The following TMPRSS9 variants were observed in gnomAD, a reference collection of about 807,000 sequenced individuals.
TMPRSS9 encodes the protein transmembrane protease serine 9.
A neutral mutation model predicts 111.4 loss-of-function variants in TMPRSS9; 113 were observed. The ratio of observed to expected loss-of-function variants is 1.01; its 90% CI spans 0.87 to 1.19. The LOEUF (loss-of-function observed/expected upper bound fraction) is 1.19, where lower values mean the gene tolerates loss of function less well. TMPRSS9 is among the 50% of genes most tolerant of loss of function. TMPRSS9 has a pLI of 0.00. For synonymous variants in TMPRSS9, 805 were observed against 659.1 expected, an observed-to-expected ratio of 1.22 and a Z score of -3.39; for missense variants, 1,803 against 1,513.1, an observed-to-expected ratio of 1.19 and a Z score of -3.18.
At chr19:2,375,817 A>G (rs1970329137) in intron 1 of TMPRSS9, among the ~76,000 whole-genome samples, 1 of 152,142 alleles carries the variant, frequency 6.6e-6, no homozygotes. Flanking sequence ...GAAAATTACA[A>G]CTGAAGGGAC....
exon 14 of TMPRSS9, chr19:2,421,869 C>G (rs774055340): frequency 3.1e-6 from 5 of 1,606,708 alleles, no homozygotes; most frequent in Non-Finnish European, 4.3e-6. Flanking sequence ...CTCTGGGGGC[C>G]CCCTGGCCTG....
chr19:2,420,168 C>CAAA (rs74881786), intron 13 of TMPRSS9, among the ~76,000 whole-genome samples: 56,833 of 151,426 alleles, frequency 0.38, 11,666 homozygotes, highest in African/African-American at 0.56. Flanking sequence ...TCTCAAAAAA[C>CAAA]GAAGGGCGGG....
intron 13 of TMPRSS9, 148 bp downstream of exon 14, chr19:2,418,286 TCCTCCTTTCCTTCCCTCCCTTTCCCTC>T: frequency 2.2e-6 from 1 of 455,516 alleles, no homozygotes; most frequent in Non-Finnish European, 3.1e-6. Flanking sequence ...CCTTTTCCTT[TCCTCCTTTCCTTCCCTCCCTTTCCCTC>T]CCTCCCTCCC....
intron 1 of TMPRSS9, among the ~76,000 whole-genome samples, chr19:2,363,803 T>TGTGTGTGC (rs1432791076): frequency 3.2e-4 from 37 of 116,572 alleles, no homozygotes; most frequent in Admixed American, 3.0e-4. Context: ...TGTGTGTGTG[T>TGTGTGTGC]GCGTGCGCGC....
intron 2 of TMPRSS9, 65 bp downstream of exon 3, chr19:2,396,731 G>A: frequency 6.5e-7 from 1 of 1,537,322 alleles, no homozygotes; most frequent in East Asian, 2.3e-5. Flanking sequence ...TTGACCTGGA[G>A]GTGCTTTCCG....
chr19:2,363,884 T>C (rs1349961623), intron 1 of TMPRSS9, among the ~76,000 whole-genome samples: 2 of 150,394 alleles, frequency 1.3e-5, no homozygotes, highest in African/African-American at 2.5e-5. Context: ...GAGAGAGCCT[T>C]AATCTCCTCC....
chr19:2,371,302 T>A (rs1599275134), intron 1 of TMPRSS9, among the ~76,000 whole-genome samples: 1 of 152,242 alleles, frequency 6.6e-6, no homozygotes, highest in East Asian at 1.9e-4. Context: ...GCCTAGTCCC[T>A]CCTTGGGGGC....
chr19:2,391,307 A>C (rs4807252), intron 1 of TMPRSS9, among the ~76,000 whole-genome samples: 28,380 of 146,062 alleles, frequency 0.19, 3,549 homozygotes, highest in Admixed American at 0.32. Context: ...ATTTGGGGAG[A>C]AATGCTCTCG....
chr19:2,386,144 C>A (rs62120686), upstream of TMPRSS9, among the ~76,000 whole-genome samples: 32,525 of 151,924 alleles, frequency 0.21, 4,346 homozygotes, highest in Admixed American at 0.35. Flanking sequence ...GACATGGGGT[C>A]TTGCTATGTT....
intron 7 of TMPRSS9, 34 bp downstream of exon 8, chr19:2,405,579 C>G (rs956142011): frequency 1.4e-6 from 2 of 1,479,506 alleles, no homozygotes; most frequent in East Asian, 2.7e-5. Context: ...AAACCCGAAC[C>G]CTCTGTATTT....
rs545498860 is a variant in TMPRSS9 at position 2,421,744 on chromosome 19, C to T, written c.2155-110C>T. On this transcript the variant is annotated intron_variant, in intron 13 of 17. Transcript: ENST00000648592. The stretch of plus-strand genomic sequence containing the variant: ...CTCCAGACCCGCGCTGTGCCCTCTG[C>T]CCCCCGCCCTCGATGGCTCCCACCC... 23 of 1,263,662 alleles carry T rather than the reference C, an allele frequency of 1.8e-5. No homozygotes were observed. In the Admixed American group the frequency reaches 3.4e-4, roughly 18 times the overall value. 78.3% of individuals were successfully genotyped at this position (1,263,662 alleles called of 1,614,324 possible). A position where few individuals can be genotyped will look rare whatever the true frequency, so the allele number is the denominator to read the frequency against.
intron 4 of TMPRSS9, among the ~76,000 whole-genome samples, chr19:2,400,475 G>A (rs1359315615): frequency 6.6e-6 from 1 of 152,014 alleles, no homozygotes; most frequent in Non-Finnish European, 1.5e-5. Context: ...CCAGGAGGCG[G>A]AGGTTGCAGT....
At position 2,425,498 on chromosome 19, in the gene TMPRSS9, G is replaced by T; in HGVS notation, c.3120+5G>T. ...GGTGGCGTGGACAGCTGCTCGGTGA[G>T]CCCCGCCCCGGCCCAGGGGACCAGG... On this transcript the variant is annotated splice_donor_5th_base_variant and intron_variant, in intron 17 of 17. Transcript: ENST00000648592. 6.4e-7 allele frequency: 1 copy of T among 1,566,378 alleles called. No homozygotes were observed. The highest frequency in any genetic ancestry group is 8.6e-7 in the Non-Finnish European group (1 of 1,163,694).
At chr19:2,404,010 G>A (rs11666742) in intron 6 of TMPRSS9, among the ~76,000 whole-genome samples, 11,711 of 120,770 alleles carry the variant, frequency 0.097, 645 homozygotes, top group Middle Eastern at 0.14. Flanking sequence ...AAAAAAAAAA[G>A]AAAAAAAAAT....
intron 1 of TMPRSS9, among the ~76,000 whole-genome samples, chr19:2,396,013 AACAAAC>A (rs986477083): frequency 2.6e-5 from 4 of 152,196 alleles, no homozygotes; most frequent in African/African-American, 9.6e-5. Context: ...GTCTCAAACA[AACAAAC>A]ACAAACCAAC....
At chr19:2,422,175 G>C in exon 14 of TMPRSS9, 1 of 1,570,308 alleles carries the variant, frequency 6.4e-7, no homozygotes, top group Non-Finnish European at 8.6e-7. Context: ...CTTATCTGCC[G>C]TGAGCACCAC....
chr19:2,368,506 C>G (rs1028598493), intron 1 of TMPRSS9, among the ~76,000 whole-genome samples: 5 of 152,094 alleles, frequency 3.3e-5, no homozygotes, highest in African/African-American at 9.7e-5. Context: ...GAGATGAGGA[C>G]AGTTAGACCC....
chr19:2,396,402 C>T (rs751428634), intron 1 of TMPRSS9, 137 bp from the exon 3 acceptor site: 42 of 1,020,024 alleles, frequency 4.1e-5, no homozygotes, highest in Non-Finnish European at 4.7e-5. Flanking sequence ...ATCACGGGGG[C>T]GTCGACCACC....
upstream of TMPRSS9, among the ~76,000 whole-genome samples, chr19:2,385,203 A>T (rs550606979): frequency 3.2e-4 from 6 of 19,014 alleles, no homozygotes; most frequent in South Asian, 0.01. Flanking sequence ...GCGGGGCTCG[A>T]GGGGGCGGGG....
Sources: allele counts gnomAD v4.1 joint callset (sites outside exome capture counted in the v4.1 genomes callset), GRCh38; gene constraint gnomAD v4.1.1; transcripts MANE v1.5; gene names NCBI Gene and HGNC (gene_info 2026-07-23, HGNC 2026-07-21).